Variants in DMD observed in about 807,000 individuals in gnomAD.
DMD encodes the protein dystrophin.
In DMD, 63 loss-of-function variants were observed where a neutral mutation model predicts 330.1. The observed-to-expected ratio is 0.19, with a 90% CI of 0.16 to 0.24. The LOEUF (loss-of-function observed/expected upper bound fraction) is 0.24. Among genes scored for constraint, DMD ranks in the 10% least tolerant of loss-of-function variants. DMD has a pLI of 1.00. For missense variants in DMD, 3,344 were observed against 2,684.1 expected, an observed-to-expected ratio of 1.25 and a Z score of -5.43; for synonymous variants, 1,223 against 959.8, an observed-to-expected ratio of 1.27 and a Z score of -5.07.
chrX:32,972,638 T>C (rs1206570053), intron 2 of DMD, among the ~76,000 whole-genome samples: 2 of 112,417 alleles, frequency 1.8e-5, no homozygotes, highest in Admixed American at 9.5e-5. Flanking sequence ...AGTATTCACA[T>C]AGCAAGAGTT....
intron 44 of DMD, among the ~76,000 whole-genome samples, chrX:32,111,688 C>A (rs999988296): frequency 2.7e-5 from 3 of 111,386 alleles, no homozygotes; most frequent in African/African-American, 9.8e-5. Flanking sequence ...CAAGTCCCAA[C>A]TGTGCAGCCT....
At chrX:32,423,380 C>T (rs1013844906) in intron 29 of DMD, among the ~76,000 whole-genome samples, 1 of 109,510 alleles carries the variant, frequency 9.1e-6, no homozygotes, top group Non-Finnish European at 1.9e-5. Context: ...CCTCCAAGAG[C>T]AAACATAATT....
chrX:33,092,282 A>T (rs1052666047), intron 1 of DMD, among the ~76,000 whole-genome samples: 6 of 112,207 alleles, frequency 5.3e-5, no homozygotes, highest in Non-Finnish European at 1.1e-4. Context: ...GTTGTGCTTT[A>T]TAATATCACA....
intron 45 of DMD, among the ~76,000 whole-genome samples, chrX:31,938,151 A>G (rs769040757): frequency 8.9e-5 from 10 of 111,993 alleles, no homozygotes; most frequent in Non-Finnish European, 1.9e-4. Context: ...ATCACATGGC[A>G]TGATTTTGGT....
chrX:32,513,864 G>A (rs2045582697), intron 18 of DMD, among the ~76,000 whole-genome samples: 1 of 111,288 alleles, frequency 9.0e-6, no homozygotes, highest in Admixed American at 9.6e-5. Flanking sequence ...AAGAAAAACT[G>A]AATTGGAACA....
chrX:33,005,626 A>C (rs1390632833), intron 2 of DMD, among the ~76,000 whole-genome samples: 1 of 109,861 alleles, frequency 9.1e-6, no homozygotes, highest in Non-Finnish European at 1.9e-5. Flanking sequence ...CAATATAAAA[A>C]AATGAACAAA....
chrX:31,596,545 C>A (rs2077123095), intron 55 of DMD, among the ~76,000 whole-genome samples: 1 of 111,488 alleles, frequency 9.0e-6, no homozygotes, highest in African/African-American at 3.3e-5. Context: ...CTCTCAGAAC[C>A]TGGTTTTCAT....
At chrX:33,055,527 C>T (rs1026069691) in intron 1 of DMD, among the ~76,000 whole-genome samples, 4 of 111,459 alleles carry the variant, frequency 3.6e-5, no homozygotes, top group African/African-American at 1.3e-4. Flanking sequence ...AATGCCTGAA[C>T]GCAAGAAAAA....
chrX:32,097,264 C>A (rs763351439), intron 44 of DMD, among the ~76,000 whole-genome samples: 1 of 110,401 alleles, frequency 9.1e-6, no homozygotes, highest in East Asian at 2.9e-4. Flanking sequence ...CCCCACCTCG[C>A]GACAGGCCTC....
intron 62 of DMD, among the ~76,000 whole-genome samples, chrX:31,300,553 T>C (rs1387670511): frequency 8.9e-6 from 1 of 111,841 alleles, no homozygotes; most frequent in Non-Finnish European, 1.9e-5. Context: ...AAATGTAAAG[T>C]AGGAAGTTAG....
rs59135933 is a variant in DMD at position 32,664,238 on chromosome X, G to GTT, written c.961-19088_961-19087dup. Among the ~76,000 whole-genome samples the GTT allele has an allele frequency of 6.4e-3, 553 of 86,790 alleles. 8 individuals carry two copies. Among genetic ancestry groups the GTT allele is most frequent in the African/African-American group, 0.018 (406 of 22,709 alleles). 75.4% of individuals were successfully genotyped at this position (86,790 alleles called of 115,157 possible). On this transcript the variant is annotated intron_variant, in intron 9 of 78. Transcript: ENST00000357033. ...CCTGGTTAAGGTGGACCTGGCATAG[G>GTT]TTTTTTTTTTTTTTTTTTTTTGAGA...
Position 32,859,473 on chromosome X carries a change from A to T in DMD, c.94-9653T>A, listed in dbSNP as rs1380376213. Among the ~76,000 whole-genome samples the T allele has an allele frequency of 1.3e-4, 8 of 63,096 alleles. No individual in the cohort carries two copies. In the South Asian group the frequency reaches 4.2e-3, roughly 33 times the overall value. 54.8% of individuals were successfully genotyped at this position (63,096 alleles called of 115,157 possible). A position where few individuals can be genotyped will look rare whatever the true frequency, so the allele number is the denominator to read the frequency against. ...ACGAAGCAAGATCTCACACACACACACACACACACACACACACACACACAC... is the reference window on the plus strand; with the variant it reads ...ACGAAGCAAGATCTCACACACACACTCACACACACACACACACACACACAC... On this transcript the variant is annotated intron_variant, in intron 2 of 78. Transcript: ENST00000357033.
At chrX:31,393,492 CA>C (rs1308905111) in intron 60 of DMD, among the ~76,000 whole-genome samples, 17 of 72,368 alleles carry the variant, frequency 2.3e-4, no homozygotes, top group South Asian at 1.1e-3. Context: ...AAAAAAAAAA[CA>C]AAAAAAAAAA....
chrX:31,224,763 T>C (rs1242408254), intron 63 of DMD, among the ~76,000 whole-genome samples: 1 of 112,289 alleles, frequency 8.9e-6, no homozygotes, highest in African/African-American at 3.2e-5. Context: ...GATAAACAAG[T>C]TGTGGTAAAG....
At chrX:32,736,081 C>A (rs1275031901) in intron 7 of DMD, among the ~76,000 whole-genome samples, 3 of 111,907 alleles carry the variant, frequency 2.7e-5, no homozygotes, top group Non-Finnish European at 5.6e-5. Flanking sequence ...AAAAAACAAA[C>A]AACCCCATCA....
intron 43 of DMD, among the ~76,000 whole-genome samples, chrX:32,220,451 A>G: frequency 9.0e-6 from 1 of 111,376 alleles, no homozygotes; most frequent in South Asian, 3.7e-4. Context: ...ATGTGATGAC[A>G]CTTAATGTGA....
chrX:31,294,986 T>C (rs780309002), intron 62 of DMD, among the ~76,000 whole-genome samples: 2 of 111,253 alleles, frequency 1.8e-5, no homozygotes, highest in African/African-American at 3.3e-5. Flanking sequence ...ACATTGTAGG[T>C]TTGCTTTTTT....
chrX:32,187,792 T>C (rs1290259415), intron 44 of DMD, among the ~76,000 whole-genome samples: 3 of 111,175 alleles, frequency 2.7e-5, no homozygotes, highest in Non-Finnish European at 5.7e-5. Context: ...TTTTTAGCTT[T>C]CAATGAAGCA....
chrX:33,129,017 C>T (rs1011548046), intron 1 of DMD: 1 of 111,921 alleles, frequency 8.9e-6, no homozygotes, highest in Non-Finnish European at 1.9e-5. Context: ...AGGAATAATC[C>T]GTATAACTTA....
Sources: gnomAD v4.1 joint callset for allele counts (sites outside exome capture counted in the v4.1 genomes callset) on GRCh38, gnomAD v4.1.1 for gene constraint, MANE v1.5 for transcripts, NCBI Gene and HGNC (gene_info 2026-07-23, HGNC 2026-07-21) for gene names.